The following SERPINB12 variants were observed in gnomAD, a reference collection of about 807,000 sequenced individuals.
SERPINB12 encodes the protein serpin family B member 12.
A neutral mutation model predicts 41.1 loss-of-function variants in SERPINB12; 57 were observed. The ratio of observed to expected loss-of-function variants is 1.39; its 90% confidence interval spans 1.12 to 1.73. The LOEUF (loss-of-function observed/expected upper bound fraction) is 1.73. Among genes scored for constraint, SERPINB12 ranks in the 40% most tolerant of loss-of-function variants. The pLI is 0.00. For synonymous variants in SERPINB12, 180 were observed against 181.3 expected (o/e 0.99, Z 0.06); for missense variants, 536 against 501.9 (o/e 1.07, Z -0.65).
At chr18:63,561,567 C>T (rs1267492607) in intron 5 of SERPINB12, among the ~76,000 whole-genome samples, 1 of 152,160 alleles carries the variant, frequency 6.6e-6, no homozygotes, top group African/African-American at 2.4e-5. Flanking sequence ...AGAGATCATT[C>T]TACCAAAAAG....
chr18:63,541,880 T>A (rs904684996), upstream of SERPINB12, among the ~76,000 whole-genome samples: 5 of 152,216 alleles, frequency 3.3e-5, no homozygotes, highest in Non-Finnish European at 7.4e-5. Context: ...CCTAGACAGC[T>A]GTGGAGTTGC....
At chr18:63,548,608 C>A (rs925805640) in intron 1 of SERPINB12, among the ~76,000 whole-genome samples, 1 of 151,636 alleles carries the variant, frequency 6.6e-6, no homozygotes, top group Non-Finnish European at 1.5e-5. Flanking sequence ...ATGAAGAGTT[C>A]ATAATGATCC....
chr18:63,535,089 G>A, the SERPINB12 span, among the ~76,000 whole-genome samples: 57 of 152,152 alleles, frequency 3.7e-4, 1 homozygote, highest in African/African-American at 1.3e-3. Context: ...CAGTTTTCCA[G>A]GTTACCAACT....
At chr18:63,564,401 C>G (rs1911024209) in intron 6 of SERPINB12, among the ~76,000 whole-genome samples, 1 of 152,170 alleles carries the variant, frequency 6.6e-6, no homozygotes, top group Non-Finnish European at 1.5e-5. Flanking sequence ...AAAGGAAAGG[C>G]TAAGTTAGCT....
In SERPINB12 at chr18:63,556,315, T is replaced by C; in HGVS notation, c.156T>C (p.His52=). 1 of 1,613,878 alleles carries C rather than the reference T, an allele frequency of 6.2e-7. No homozygotes were observed. Among genetic ancestry groups the C allele is most frequent in the Non-Finnish European group, 8.5e-7 (1 of 1,179,876 alleles). ...TGGGTGCTAGAAGTGACAGTGCACA[T>C]CAGATTGATGAGGTACGTGTCCACT... is the stretch of plus-strand genomic sequence containing the variant. The part of the protein sequence containing the change: ...VRLGARSDSA[H]QIDEVLHFNE... The change falls in exon 2 of 8, where the codon CAT becomes CAC. Residue 52 remains histidine (H), a synonymous_variant. Transcript: ENST00000382768.
the SERPINB12 span, among the ~76,000 whole-genome samples, chr18:63,524,010 A>G: frequency 6.6e-6 from 1 of 152,226 alleles, no homozygotes; most frequent in Non-Finnish European, 1.5e-5. Flanking sequence ...TCAACCTTAA[A>G]TAGGGAAATT....
intron 1 of SERPINB12, among the ~76,000 whole-genome samples, chr18:63,549,251 A>G (rs1480728391): frequency 6.6e-6 from 1 of 152,162 alleles, no homozygotes; most frequent in African/African-American, 2.4e-5. Flanking sequence ...TTTATTTTTC[A>G]GTATTGTGAG....
chr18:63,565,253 A>G (rs1216318014), intron 6 of SERPINB12, among the ~76,000 whole-genome samples, 192 bp from the exon 7 acceptor site: 1 of 152,158 alleles, frequency 6.6e-6, no homozygotes, highest in Non-Finnish European at 1.5e-5. Flanking sequence ...ACACGGAAAG[A>G]TAAAGTGTTG....
intron 1 of SERPINB12, among the ~76,000 whole-genome samples, chr18:63,548,127 A>C (rs1022481646): frequency 6.6e-6 from 1 of 152,180 alleles, no homozygotes; most frequent in African/African-American, 2.4e-5. Flanking sequence ...TATTGTATAC[A>C]GTGGTGACTA....
chr18:63,565,222 G>A (rs901500804), intron 6 of SERPINB12, among the ~76,000 whole-genome samples: 8 of 151,910 alleles, frequency 5.3e-5, no homozygotes, highest in African/African-American at 1.2e-4. Flanking sequence ...CCCCATCCCC[G>A]TCACTCCACA....
upstream of SERPINB12, among the ~76,000 whole-genome samples, chr18:63,538,159 C>A (rs190146915): frequency 1.3e-5 from 2 of 152,146 alleles, no homozygotes; most frequent in Non-Finnish European, 2.9e-5. Flanking sequence ...TTGAAAGCAA[C>A]ATGTCTAGCA....
At chr18:63,537,313 T>C in the SERPINB12 span, among the ~76,000 whole-genome samples, 537 of 152,296 alleles carry the variant, frequency 3.5e-3, 6 homozygotes, top group African/African-American at 0.013. Flanking sequence ...GCTACTGTGT[T>C]CTTCTGACCT....
the SERPINB12 span, among the ~76,000 whole-genome samples, chr18:63,530,038 G>T: frequency 2.0e-5 from 3 of 152,134 alleles, no homozygotes; most frequent in Non-Finnish European, 4.4e-5. Flanking sequence ...TGTGGAGGGG[G>T]TCTCATTCTA....
chr18:63,565,589 G>C lies in SERPINB12; in HGVS notation c.850G>C (p.Asp284His). 6.2e-7 allele frequency: 1 copy of C among 1,613,796 alleles called. No individual in the cohort carries two copies. The highest frequency in any genetic ancestry group is 2.2e-5 in the East Asian group (1 of 44,880). ...MFVLLPSHSK[D>H]NLKGLEELER... ...CGTGCTGCTGCCATCTCACTCTAAA[G>C]ATAACCTGAAGGGTCTGGAAGAGGT... The change falls in exon 7 of 8, where the codon GAT (aspartate) becomes CAT (histidine). Residue 284 changes from aspartate to histidine, a missense_variant. Physicochemically the swap from Asp to His is moderately conservative, Grantham distance 81 (BLOSUM62 -1). Coordinates refer to ENST00000382768, the MANE Select transcript of SERPINB12 (RefSeq NM_001307928.2).
At chr18:63,563,134 G>A (rs1044715453) in intron 5 of SERPINB12, among the ~76,000 whole-genome samples, 2 of 152,174 alleles carry the variant, frequency 1.3e-5, no homozygotes, top group Non-Finnish European at 2.9e-5. Flanking sequence ...CCTCCTTATC[G>A]TGGGATGGAT....
At chr18:63,523,640 C>T in the SERPINB12 span, among the ~76,000 whole-genome samples, 3 of 152,170 alleles carry the variant, frequency 2.0e-5, no homozygotes, top group East Asian at 1.9e-4. Context: ...AAGCACAATT[C>T]GGACAGATCA....
At chr18:63,538,211 C>A (rs1163464328), upstream of SERPINB12, among the ~76,000 whole-genome samples, 4 of 152,108 alleles carry the variant, frequency 2.6e-5, no homozygotes, top group East Asian at 3.8e-4. Flanking sequence ...AATTCACATG[C>A]AATAAAATTC....
At chr18:63,564,230 C>T in intron 6 of SERPINB12, 110 bp downstream of exon 6, 2 of 1,206,704 alleles carry the variant, frequency 1.7e-6, no homozygotes, top group South Asian at 1.6e-5. Flanking sequence ...ACAATAAGAA[C>T]ATTTTTCGTT....
chr18:63,554,972 C>T lies in SERPINB12; in HGVS notation c.-18-1170C>T, dbSNP rs1163257988. ...GCAGTTCCTCCTTTTCTCTCTCTCT[C>T]TCCTGCCGCCTAATGAAGAAGGTAC... is the stretch of plus-strand genomic sequence containing the variant. On this transcript the variant is annotated intron_variant, in intron 1 of 7. Coordinates refer to ENST00000382768, the MANE Select transcript of SERPINB12 (RefSeq NM_001307928.2). Among the ~76,000 whole-genome samples, 5 of 152,266 alleles carry T rather than the reference C, an allele frequency of 3.3e-5. No individual in the cohort carries two copies. In the East Asian group the frequency reaches 9.7e-4, roughly 29 times the overall value.
Sources: gnomAD v4.1 joint callset for allele counts (sites outside exome capture counted in the v4.1 genomes callset) on GRCh38, gnomAD v4.1.1 for gene constraint, MANE v1.5 for transcripts, NCBI Gene and HGNC (gene_info 2026-07-23, HGNC 2026-07-21) for gene names.